The following YIPF1 variants were observed in gnomAD, a reference collection of about 807,000 sequenced individuals.
YIPF1 encodes the protein Yip1 domain family member 1.
Under a neutral mutation model 37.0 loss-of-function variants are expected in YIPF1, and 22 were observed. That is an observed-to-expected ratio of 0.59 (90% CI 0.42 to 0.85). The LOEUF is 0.85. Among genes scored for constraint, YIPF1 ranks in the 40% least tolerant of loss-of-function variants. The probability of loss-of-function intolerance (pLI) is 0.00; values close to 1 mark genes in which losing one functional copy is unlikely to be tolerated. For synonymous variants in YIPF1, 128 were observed against 131.9 expected, an observed-to-expected ratio of 0.97 and a Z score of 0.21; for missense variants, 355 against 373.1, an observed-to-expected ratio of 0.95 and a Z score of 0.40.
chr1:53,860,232 A>C (rs948223319), intron 9 of YIPF1, 79 bp from the exon 10 acceptor site: 3 of 1,377,054 alleles, frequency 2.2e-6, no homozygotes, highest in Non-Finnish European at 2.0e-6. Flanking sequence ...CCATGCTAAC[A>C]GTACTTTTGG....
Position 53,888,054 on chromosome 1 carries a change from C to G in YIPF1, c.31+853G>C, listed in dbSNP as rs1024922151. Among the ~76,000 whole-genome samples, 4 of 152,104 alleles carry G rather than the reference C, an allele frequency of 2.6e-5. No individual in the cohort carries two copies. The East Asian group carries it at 7.7e-4, about 29-fold the overall frequency. On this transcript the variant is annotated intron_variant, in intron 3 of 10. Coordinates refer to ENST00000072644, the MANE Select transcript of YIPF1 (RefSeq NM_018982.5). ...CAGCCTGGCCAATATGGTGAAGCCCCGTCTCTACTAAAAATACAAAAATTA... is the reference window on the plus strand; with the variant it reads ...CAGCCTGGCCAATATGGTGAAGCCCGGTCTCTACTAAAAATACAAAAATTA...
intron 9 of YIPF1, among the ~76,000 whole-genome samples, chr1:53,863,129 A>G (rs756307376): frequency 1.6e-4 from 24 of 152,304 alleles, no homozygotes; most frequent in Middle Eastern, 3.4e-3. Flanking sequence ...TCCCTGCTCC[A>G]CAGTCCAACC....
intron 6 of YIPF1, among the ~76,000 whole-genome samples, chr1:53,872,312 A>G (rs1650214496): frequency 6.6e-6 from 1 of 152,108 alleles, no homozygotes; most frequent in Non-Finnish European, 1.5e-5. Context: ...ATGCATGTGT[A>G]TATGTGCATA....
In YIPF1 at chr1:53,881,258, AAAAG is replaced by A. The variant is rs1462194067; in HGVS notation, c.195+1851_195+1854del. Among the ~76,000 whole-genome samples the A allele has an allele frequency of 4.2e-3, 627 of 149,598 alleles. 3 individuals are homozygous for A. The highest frequency in any genetic ancestry group is 7.3e-3 in the Non-Finnish European group (493 of 67,530). On this transcript the variant is annotated intron_variant, in intron 4 of 10. Transcript: ENST00000072644. ...AGACTCCATCTCAAAAAAAAAAAAAAAAAGAAAAAGAAAGAAAATCTAGGGAATA... is the reference window on the plus strand; with the variant it reads ...AGACTCCATCTCAAAAAAAAAAAAAAAAAAAGAAAGAAAATCTAGGGAATA...
chr1:53,858,984 C>T (rs1484784827), intron 10 of YIPF1, among the ~76,000 whole-genome samples: 1 of 152,148 alleles, frequency 6.6e-6, no homozygotes, highest in Non-Finnish European at 1.5e-5. Flanking sequence ...GGTTTTTGCA[C>T]ACATCTCATG....
intron 10 of YIPF1, chr1:53,855,085 A>G (rs540218071): frequency 6.6e-6 from 1 of 151,438 alleles, no homozygotes; most frequent in East Asian, 1.9e-4. Context: ...CAAGTAGACA[A>G]GGCTTGTGAA....
At chr1:53,865,284 C>T (rs1302670634) in intron 9 of YIPF1, among the ~76,000 whole-genome samples, 1 of 152,078 alleles carries the variant, frequency 6.6e-6, no homozygotes, top group Non-Finnish European at 1.5e-5. Context: ...AATCCCCCAC[C>T]CCAGCTCCCT....
At chr1:53,868,465 T>C (rs1242251304) in intron 7 of YIPF1, among the ~76,000 whole-genome samples, 1 of 152,202 alleles carries the variant, frequency 6.6e-6, no homozygotes. Context: ...GAGAATTAAA[T>C]GAATAAAAGC....
chr1:53,853,988 G>T (rs1186662045), intron 10 of YIPF1, among the ~76,000 whole-genome samples: 1 of 152,162 alleles, frequency 6.6e-6, no homozygotes, highest in Non-Finnish European at 1.5e-5. Flanking sequence ...GGTGACTCAT[G>T]CCTGTAATCC....
At chr1:53,864,166 T>C (rs1255077215) in intron 9 of YIPF1, among the ~76,000 whole-genome samples, 1 of 152,146 alleles carries the variant, frequency 6.6e-6, no homozygotes, top group East Asian at 1.9e-4. Flanking sequence ...CCTCACCAAC[T>C]TCTCAGCCAG....
intron 4 of YIPF1, among the ~76,000 whole-genome samples, chr1:53,882,706 G>A (rs750343377): frequency 6.6e-5 from 10 of 152,126 alleles, no homozygotes; most frequent in South Asian, 2.1e-4. Flanking sequence ...TGATCTGCCC[G>A]CCTCAGCCTC....
At chr1:53,875,876 C>A (rs1569637317) in intron 6 of YIPF1, among the ~76,000 whole-genome samples, 1 of 152,202 alleles carries the variant, frequency 6.6e-6, no homozygotes, top group East Asian at 1.9e-4. Flanking sequence ...CACTTCATGT[C>A]CTTCTTCTCT....
intron 10 of YIPF1, among the ~76,000 whole-genome samples, chr1:53,858,032 T>C (rs61774822): frequency 0.039 from 5,708 of 147,562 alleles, 163 homozygotes; most frequent in Non-Finnish European, 0.058. Flanking sequence ...GATAGACACA[T>C]GTTAGTTTGC....
chr1:53,887,864 A>G (rs1284785421), intron 3 of YIPF1, among the ~76,000 whole-genome samples: 1 of 152,214 alleles, frequency 6.6e-6, no homozygotes, highest in Non-Finnish European at 1.5e-5. Context: ...TAAAGTTGAC[A>G]TAAGGATTAT....
chr1:53,885,049 G>A (rs1650608389), intron 3 of YIPF1, among the ~76,000 whole-genome samples: 1 of 152,222 alleles, frequency 6.6e-6, no homozygotes, highest in Non-Finnish European at 1.5e-5. Context: ...AGGTTCTGGA[G>A]TGAGATGGTC....
intron 7 of YIPF1, among the ~76,000 whole-genome samples, chr1:53,870,722 CTGTGGCCAGG>C (rs1439877175): frequency 1.3e-5 from 2 of 152,024 alleles, no homozygotes; most frequent in African/African-American, 2.4e-5. Flanking sequence ...TATATTCCAG[CTGTGGCCAGG>C]TGTGATGGCT....
chr1:53,878,808 T>C (rs1165516254), intron 4 of YIPF1, 86 bp from the exon 5 acceptor site: 18 of 1,282,506 alleles, frequency 1.4e-5, no homozygotes, highest in Non-Finnish European at 1.9e-5. Flanking sequence ...TCTGATCTAA[T>C]GGAAAAGCAA....
chr1:53,873,455 C>T (rs1478676739), intron 6 of YIPF1, among the ~76,000 whole-genome samples: 2 of 152,064 alleles, frequency 1.3e-5, no homozygotes, highest in African/African-American at 4.8e-5. Context: ...AAGAGATGGG[C>T]CAGAGTCAGA....
chr1:53,882,015 G>A (rs1201467870), intron 4 of YIPF1, among the ~76,000 whole-genome samples: 1 of 152,204 alleles, frequency 6.6e-6, no homozygotes, highest in Admixed American at 6.5e-5. Context: ...TACAACCATG[G>A]AATACTACGC....
Sources: allele counts gnomAD v4.1 joint callset (sites outside exome capture counted in the v4.1 genomes callset), GRCh38; gene constraint gnomAD v4.1.1; transcripts MANE v1.5; gene names NCBI Gene and HGNC (gene_info 2026-07-23, HGNC 2026-07-21).